ARHGEF12: variants seen among roughly 807,000 people sequenced by gnomAD.
The protein encoded by ARHGEF12 is KMT2A/ARHGEF12 fusion protein.
Under a neutral mutation model 211.2 loss-of-function variants are expected in ARHGEF12, and 66 were observed. That is an observed-to-expected ratio of 0.31 (90% CI 0.26 to 0.38). ARHGEF12 has a LOEUF of 0.38. ARHGEF12 is among the 10% of genes least tolerant of loss of function. The pLI is 1.00. For missense variants in ARHGEF12, 1,429 were observed against 1,869.5 expected (o/e 0.76, Z 4.34); for synonymous variants, 592 against 638.4 (o/e 0.93, Z 1.09).
At position 120,485,350 on chromosome 11, in the gene ARHGEF12, G is replaced by T. The variant is rs557801254; in HGVS notation, c.*273G>T. 2.3e-5 allele frequency: 9 copies of T among 383,884 alleles called. No homozygotes were observed. The highest frequency in any genetic ancestry group is 3.8e-5 in the Non-Finnish European group (8 of 211,818). 23.8% of individuals were successfully genotyped at this position (383,884 alleles called of 1,614,324 possible). On this transcript the variant is annotated 3_prime_UTR_variant, in exon 41 of 41. Transcript: ENST00000397843. ...TTTTGATTCAGAATAAAAACCAAAT[G>T]TATAGAGCTTTGGGTGTAGGATATG...
At chr11:120,477,421 T>TG (rs1391301484) in intron 35 of ARHGEF12, 26 bp from the exon 36 acceptor site, 12 of 1,105,802 alleles carry the variant, frequency 1.1e-5, no homozygotes, top group Non-Finnish European at 1.2e-5. Context: ...AGGTAAAAGT[T>TG]TTTTTTTTTT....
chr11:120,452,083 G>T (rs1248826525), intron 22 of ARHGEF12, among the ~76,000 whole-genome samples: 1 of 152,156 alleles, frequency 6.6e-6, no homozygotes, highest in Non-Finnish European at 1.5e-5. Flanking sequence ...GGAGTATTGA[G>T]GGAACTGGTC....
At chr11:120,368,678 T>C (rs1943500917) in intron 1 of ARHGEF12, among the ~76,000 whole-genome samples, 1 of 152,206 alleles carries the variant, frequency 6.6e-6, no homozygotes, top group Admixed American at 6.5e-5. Context: ...ATACCAAAAC[T>C]CATTTTTTCT....
At chr11:120,437,407 TA>T in intron 12 of ARHGEF12, 25 bp downstream of exon 12, 1 of 1,578,736 alleles carries the variant, frequency 6.3e-7, no homozygotes, top group Non-Finnish European at 8.7e-7. Flanking sequence ...CATGCAATGA[TA>T]GTGCTGTCTT....
intron 10 of ARHGEF12, among the ~76,000 whole-genome samples, chr11:120,430,631 A>T (rs1045196637): frequency 6.6e-6 from 1 of 152,216 alleles, no homozygotes; most frequent in African/African-American, 2.4e-5. Context: ...CTATACATTT[A>T]AAATAGGTAA....
rs1416645235 is a variant in ARHGEF12 at position 120,336,605 on chromosome 11, C to T, written c.-639C>T. Reference sequence around the variant, plus strand: ...GAGCAGTCCGCGGCGCTGAGAGACCCGGGTCCCTGTCACCTCGGGCCGCGG... The same window carrying T: ...GAGCAGTCCGCGGCGCTGAGAGACCTGGGTCCCTGTCACCTCGGGCCGCGG... On this transcript the variant is annotated 5_prime_UTR_variant, in exon 1 of 41. Coordinates refer to ENST00000397843, the MANE Select transcript of ARHGEF12 (RefSeq NM_015313.3). Among the ~76,000 whole-genome samples the T allele has an allele frequency of 6.6e-6, 1 of 152,096 alleles. No homozygotes were observed. The highest frequency in any genetic ancestry group is 1.5e-5 in the Non-Finnish European group (1 of 68,000).
chr11:120,381,333 G>A (rs1943872510), intron 1 of ARHGEF12, among the ~76,000 whole-genome samples: 1 of 152,100 alleles, frequency 6.6e-6, no homozygotes, highest in Non-Finnish European at 1.5e-5. Context: ...TTTAATCTGT[G>A]ACTTCCTTGT....
At chr11:120,469,173 T>G in intron 29 of ARHGEF12, 115 bp from the exon 30 acceptor site, 1 of 785,684 alleles carries the variant, frequency 1.3e-6, no homozygotes, top group Non-Finnish European at 2.0e-6. Context: ...TACAAAAATC[T>G]TCAAGGTCTT....
At chr11:120,465,021 AAG>A in intron 27 of ARHGEF12, 42 of 536,832 alleles carry the variant, frequency 7.8e-5, no homozygotes, top group Non-Finnish European at 1.1e-4. Context: ...AGAAAAAAAA[AAG>A]AAGAAGAAAA....
At chr11:120,415,924 G>T (rs1311747358) in intron 4 of ARHGEF12, among the ~76,000 whole-genome samples, 1 of 152,158 alleles carries the variant, frequency 6.6e-6, no homozygotes, top group Non-Finnish European at 1.5e-5. Flanking sequence ...AATAAATGTG[G>T]CTAATACAGT....
intron 4 of ARHGEF12, among the ~76,000 whole-genome samples, chr11:120,413,752 C>T (rs1944950526): frequency 6.6e-6 from 1 of 152,190 alleles, no homozygotes; most frequent in Non-Finnish European, 1.5e-5. Context: ...TGAGGTTGCA[C>T]ATGGCCCTTC....
chr11:120,426,792 T>C (rs927366795), intron 7 of ARHGEF12, among the ~76,000 whole-genome samples: 4 of 152,204 alleles, frequency 2.6e-5, no homozygotes, highest in Non-Finnish European at 5.9e-5. Context: ...GTGAAATACA[T>C]TTAAAAGTTC....
intron 13 of ARHGEF12, among the ~76,000 whole-genome samples, chr11:120,440,483 A>G (rs1945836358): frequency 6.6e-6 from 1 of 152,118 alleles, no homozygotes; most frequent in Non-Finnish European, 1.5e-5. Flanking sequence ...TTAAAATAGT[A>G]TTTTTAAAAA....
rs1324730799 is a variant in ARHGEF12, at chr11:120,465,342, C to T, written c.2719C>T (p.Arg907Ter). ...MIKSRQKKDSRFQTFVQDAES... is the reference protein window; with the variant it reads ...MIKSRQKKDS ...CAAATCTCGTCAGAAAAAGGATTCT[C>T]GATTTCAGACTTTTGTGCAAGTGAG... Residue 907 changes from arginine to a stop codon, truncating the protein, a stop_gained, in exon 28 of 41, where the codon CGA (arginine) becomes TGA (stop). Transcript: ENST00000397843. LOFTEE classifies it high-confidence loss of function. 2.5e-6 allele frequency: 4 copies of T among 1,613,896 alleles called. No homozygotes were observed. The highest frequency in any genetic ancestry group is 1.1e-5 in the South Asian group (1 of 91,056).
rs1410514837 is a variant in ARHGEF12, at chr11:120,381,922, G to A, written c.33-24196G>A. 2.6e-5 allele frequency among the ~76,000 whole-genome samples: 4 copies of A among 152,202 alleles called. No homozygotes were observed. The East Asian group carries it at 7.7e-4, about 29-fold the overall frequency. ...TGATACAGTCTTTGGATTTTTCCAT[G>A]TAGTAAAATACATGAAAAATCCAAA... On this transcript the variant is annotated intron_variant, in intron 1 of 40. Transcript: ENST00000397843.
intron 32 of ARHGEF12, 71 bp from the exon 33 acceptor site, chr11:120,475,269 A>T: frequency 7.3e-7 from 1 of 1,378,784 alleles, no homozygotes; most frequent in East Asian, 2.3e-5. Flanking sequence ...CCTCTGTTGA[A>T]TCATTATAAA....
intron 1 of ARHGEF12, among the ~76,000 whole-genome samples, chr11:120,389,332 T>A (rs971572060): frequency 2.0e-5 from 3 of 152,248 alleles, no homozygotes; most frequent in Admixed American, 2.0e-4. Context: ...TTTATCATTT[T>A]TTCTTTCGTA....
chr11:120,476,971 G>A (rs895006772), intron 34 of ARHGEF12: 3 of 583,036 alleles, frequency 5.1e-6, no homozygotes, highest in Non-Finnish European at 8.8e-6. Flanking sequence ...TGTGCAAAAT[G>A]TCAAGTGAAG....
In ARHGEF12 at chr11:120,485,689, C is replaced by T. The variant is rs1417273474; in HGVS notation, c.*612C>T. 8.6e-6 allele frequency: 2 copies of T among 233,804 alleles called. No individual in the cohort carries two copies. Among genetic ancestry groups the T allele is most frequent in the Non-Finnish European group, 1.7e-5 (2 of 118,250 alleles). 14.5% of individuals were successfully genotyped at this position (233,804 alleles called of 1,614,324 possible). A position where few individuals can be genotyped will look rare whatever the true frequency, so the allele number is the denominator to read the frequency against. On this transcript the variant is annotated 3_prime_UTR_variant, in exon 41 of 41. Transcript: ENST00000397843. ...CAGTAGGCTGCTTCTCTGAGGGTCACCTCAAAGGTATGCTATGCCGTGTGG... is the reference window on the plus strand; with the variant it reads ...CAGTAGGCTGCTTCTCTGAGGGTCATCTCAAAGGTATGCTATGCCGTGTGG...
Sources: gnomAD v4.1 joint callset for allele counts (sites outside exome capture counted in the v4.1 genomes callset) on GRCh38, gnomAD v4.1.1 for gene constraint, MANE v1.5 for transcripts, NCBI Gene and HGNC (gene_info 2026-07-23, HGNC 2026-07-21) for gene names.